Variants in SRCIN1 observed in about 807,000 individuals in gnomAD.
The protein encoded by SRCIN1 is SRC kinase signaling inhibitor 1.
A neutral mutation model predicts 116.2 loss-of-function variants in SRCIN1; 50 were observed. The observed-to-expected ratio is 0.43, with a 90% CI of 0.34 to 0.54. SRCIN1 has a LOEUF of 0.54. Ranked by LOEUF, SRCIN1 falls within the 20% of genes least tolerant of loss-of-function variation. SRCIN1 has a pLI of 0.02. For synonymous variants in SRCIN1, 736 were observed against 750.0 expected, an observed-to-expected ratio of 0.98 and a Z score of 0.30; for missense variants, 1,446 against 1,672.0, an observed-to-expected ratio of 0.86 and a Z score of 2.36.
chr17:38,584,750 C>G (rs1908024539), intron 1 of SRCIN1, among the ~76,000 whole-genome samples: 1 of 152,256 alleles, frequency 6.6e-6, no homozygotes, highest in Non-Finnish European at 1.5e-5. Context: ...CCCCAACTGG[C>G]ATCTTTACCC....
At chr17:38,583,548 G>GTTTTTTGTT (rs1907935604) in intron 1 of SRCIN1, among the ~76,000 whole-genome samples, 9 of 104,272 alleles carry the variant, frequency 8.6e-5, no homozygotes, top group African/African-American at 1.2e-4. Flanking sequence ...TTCATTTTCT[G>GTTTTTTGTT]TTTTTTTTTT....
chr17:38,557,291 A>C (rs1905872331), intron 11 of SRCIN1, among the ~76,000 whole-genome samples: 1 of 152,218 alleles, frequency 6.6e-6, no homozygotes, highest in Non-Finnish European at 1.5e-5. Flanking sequence ...TCCCGGAGTC[A>C]CTGGCCAGTA....
rs1318992505 is a variant in SRCIN1 at position 38,566,930 on chromosome 17, CTTCT to C, written c.345+1277_345+1280del. On this transcript the variant is annotated intron_variant, in intron 3 of 18. Transcript: ENST00000617146. ...CCTTCCTTCCTTCCTTCTTTCTTTC[CTTCT>C]TTCTCTCTCTCTTTCTCTCTTTCTT... Among the ~76,000 whole-genome samples, 266 of 140,526 alleles carry C rather than the reference CTTCT, an allele frequency of 1.9e-3. 1 individual carries two copies. The highest frequency in any genetic ancestry group is 6.9e-3 in the African/African-American group (258 of 37,626). The allele number at this position is 140,526 out of a possible 152,430, so 92.2% of individuals were successfully genotyped here. A position where few individuals can be genotyped will look rare whatever the true frequency, so the allele number is the denominator to read the frequency against.
intron 11 of SRCIN1, among the ~76,000 whole-genome samples, chr17:38,555,176 C>T (rs553837400): frequency 4.2e-4 from 64 of 152,194 alleles, no homozygotes; most frequent in Non-Finnish European, 6.2e-4. Flanking sequence ...TATACACAGA[C>T]AAACAGTGGC....
rs7501955 is a variant in SRCIN1, at chr17:38,548,173, C to T, written c.3270+384G>A. Among the ~76,000 whole-genome samples, 515 of 152,180 alleles carry T rather than the reference C, an allele frequency of 3.4e-3. 5 individuals are homozygous for T. The highest frequency in any genetic ancestry group is 0.012 in the African/African-American group (503 of 41,506). On this transcript the variant is annotated intron_variant, in intron 17 of 18. Transcript: ENST00000617146. The stretch of plus-strand genomic sequence containing the variant: ...GGCATGGGGTATGAGAGTCTCAGAG[C>T]TCCGTCCTCAGAATACTCAAGTATG...
In SRCIN1 at chr17:38,604,932, A is replaced by T. The variant is rs928023161; in HGVS notation, c.22+752T>A. Among the ~76,000 whole-genome samples, 9 of 151,354 alleles carry T rather than the reference A, an allele frequency of 5.9e-5. No homozygotes were observed. Among genetic ancestry groups the T allele is most frequent in the African/African-American group, 2.2e-4 (9 of 41,140 alleles). ...CTGGCCTCTGCAGGGGGAGGGGTTA[A>T]GATCAAATAGCCCCTCCCTAAACCC... is the stretch of plus-strand genomic sequence containing the variant. On this transcript the variant is annotated intron_variant, in intron 1 of 18. Transcript: ENST00000617146. The surrounding 1 kb of genome is among the most constrained non-coding windows in gnomAD (Gnocchi z 4.3).
Position 38,560,036 on chromosome 17 carries a change from A to T in SRCIN1, c.1837+18T>A. ...GGCTCGGAGAGAACAAGGATGGGGG[A>T]GGGGGAGGTTCACTCACGTGCTGAG... On this transcript the variant is annotated intron_variant, in intron 9 of 18. Coordinates refer to ENST00000617146, the MANE Select transcript of SRCIN1 (RefSeq NM_025248.3). 6.6e-7 allele frequency: 1 copy of T among 1,524,464 alleles called. No homozygotes were observed. The highest frequency in any genetic ancestry group is 8.9e-7 in the Non-Finnish European group (1 of 1,120,912). 94.4% of individuals were successfully genotyped at this position (1,524,464 alleles called of 1,614,324 possible).
At chr17:38,598,128 C>T (rs906569564) in intron 1 of SRCIN1, among the ~76,000 whole-genome samples, 2 of 152,094 alleles carry the variant, frequency 1.3e-5, no homozygotes, top group Admixed American at 6.5e-5. Flanking sequence ...TGAGAGTCTG[C>T]GGCAGTCCCC....
At position 38,572,442 on chromosome 17, in the gene SRCIN1, G is replaced by T. The variant is rs1907142702; in HGVS notation, c.325-4211C>A. 6.6e-6 allele frequency among the ~76,000 whole-genome samples: 1 copy of T among 152,206 alleles called. No homozygotes were observed. Among genetic ancestry groups the T allele is most frequent in the Non-Finnish European group, 1.5e-5 (1 of 68,030 alleles). ...TCATGACTTTCCGACGCTGGGGGAGGGGGCGCCAGCCTGATTTTGGAGTGG... is the reference window on the plus strand; with the variant it reads ...TCATGACTTTCCGACGCTGGGGGAGTGGGCGCCAGCCTGATTTTGGAGTGG... On this transcript the variant is annotated intron_variant, in intron 2 of 18. Transcript: ENST00000617146. The surrounding 1 kb of genome is among the most constrained non-coding windows in gnomAD (Gnocchi z 4.3).
rs758061710 is a variant in SRCIN1, at chr17:38,533,356, T to A, written c.3493A>T (p.Arg1165Ter). The change falls in exon 19 of 19, where the codon AGA (arginine) becomes TGA (stop). Residue 1165 changes from arginine to a stop codon, truncating the protein, a stop_gained. Transcript: ENST00000617146. LOFTEE classifies it high-confidence loss of function. The part of the protein sequence containing the change: ...SPVSEKPSAS[R>*]TSIPVLTSFG... Reference sequence around the variant, plus strand: ...GAAGTCAATACAGGGATAGAGGTTCTGGAAGCCGAGGGCTTTTCTGAGACT... The same window carrying A: ...GAAGTCAATACAGGGATAGAGGTTCAGGAAGCCGAGGGCTTTTCTGAGACT... 6.2e-7 allele frequency: 1 copy of A among 1,606,886 alleles called. No homozygotes were observed. The highest frequency in any genetic ancestry group is 2.2e-5 in the East Asian group (1 of 44,646).
intron 1 of SRCIN1, among the ~76,000 whole-genome samples, chr17:38,599,513 T>C (rs926715952): frequency 6.6e-6 from 1 of 152,062 alleles, no homozygotes; most frequent in Non-Finnish European, 1.5e-5. Context: ...AGTCTACGGG[T>C]GCTCACAGAC....
In SRCIN1 at chr17:38,552,019, G is replaced by A. The variant is rs777704918; in HGVS notation, c.2594C>T (p.Pro865Leu). Residue 865 changes from proline to leucine, a missense_variant, in exon 14 of 19, where the codon CCC becomes CTC. By Grantham distance (98) the Pro-to-Leu change is moderately conservative (BLOSUM62 -3). Around this residue, in one of 5 missense-constraint regions of SRCIN1, gnomAD observed 531 missense variants for 633.9 expected, o/e 0.84. Coordinates refer to ENST00000617146, the MANE Select transcript of SRCIN1 (RefSeq NM_025248.3). The surrounding 1 kb of genome is among the most constrained non-coding windows in gnomAD (Gnocchi z 5.3). ...CTCATGCAGGTTCAGCGGGGGGCTG[G>A]GGGGTGGCATTTCGAAGTCCACGCT... ...NKSVDFEMPPPSPPLNLHELS... is the reference protein window; with the variant it reads ...NKSVDFEMPPLSPPLNLHELS... 1.9e-6 allele frequency: 3 copies of A among 1,613,752 alleles called. No individual in the cohort carries two copies. Among genetic ancestry groups the A allele is most frequent in the East Asian group, 2.2e-5 (1 of 44,900 alleles).
At chr17:38,594,780 C>T (rs1262173349) in intron 1 of SRCIN1, among the ~76,000 whole-genome samples, 2 of 152,142 alleles carry the variant, frequency 1.3e-5, no homozygotes, top group African/African-American at 4.8e-5. Flanking sequence ...GAACCCAGGG[C>T]AGGCTGACTC....
At position 38,562,072 on chromosome 17, in the gene SRCIN1, C is replaced by T; in HGVS notation, c.1091G>A (p.Ser364Asn). ...GAPAAQGVSP[S>N]PSAILERRDV... The stretch of plus-strand genomic sequence containing the variant: ...GCGCCGCTCCAGGATGGCGCTGGGG[C>T]TGGGGCTGACGCCCTGGGCGGCCGG... The change falls in exon 7 of 19, where the codon AGC becomes AAC. Residue 364 changes from serine (S) to asparagine (N), a missense_variant. Physicochemically the swap from Ser to Asn is conservative, Grantham distance 46. This residue lies in a region of SRCIN1 where 239 missense variants were observed against 317.7 expected (regional missense o/e 0.75). Coordinates refer to ENST00000617146, the MANE Select transcript of SRCIN1 (RefSeq NM_025248.3). The surrounding 1 kb of genome is among the most constrained non-coding windows in gnomAD (Gnocchi z 4.2). The T allele has an allele frequency of 2.0e-6, 3 of 1,469,510 alleles. No homozygotes were observed. Among genetic ancestry groups the T allele is most frequent in the Non-Finnish European group, 2.7e-6 (3 of 1,117,532 alleles). The allele number at this position is 1,469,510 out of a possible 1,614,324, so 91.0% of individuals were successfully genotyped here. A position where few individuals can be genotyped will look rare whatever the true frequency, so the allele number is the denominator to read the frequency against.
intron 15 of SRCIN1, among the ~76,000 whole-genome samples, chr17:38,550,061 T>C (rs928414795): frequency 6.6e-6 from 1 of 152,270 alleles, no homozygotes; most frequent in Non-Finnish European, 1.5e-5. Flanking sequence ...ACCTCTGCTA[T>C]TACATTTAGC....
intron 1 of SRCIN1, among the ~76,000 whole-genome samples, chr17:38,591,474 G>C (rs1908439065): frequency 6.6e-6 from 1 of 152,182 alleles, no homozygotes; most frequent in Admixed American, 6.5e-5. Context: ...CTGGCCTTCA[G>C]AACTGCTCTA....
rs1204678033 is a variant in SRCIN1 at position 38,544,433 on chromosome 17, G to A, written c.3271-464C>T. 1 of 154,902 alleles carries A rather than the reference G, an allele frequency of 6.5e-6. No individual in the cohort carries two copies. The highest frequency in any genetic ancestry group is 1.4e-5 in the Non-Finnish European group (1 of 70,072). 9.6% of individuals were successfully genotyped at this position (154,902 alleles called of 1,614,324 possible). A position where few individuals can be genotyped will look rare whatever the true frequency, so the allele number is the denominator to read the frequency against. On this transcript the variant is annotated intron_variant, in intron 17 of 18. Coordinates refer to ENST00000617146, the MANE Select transcript of SRCIN1 (RefSeq NM_025248.3). This position sits in a 1 kb window ranked among gnomAD's most constrained non-coding sequence, Gnocchi z 4.5. ...CTCCTAAGGGGAGGATGCAGGTGAG[G>A]TCTCCCTAGGGATGGGCAAGCTTGG...
At chr17:38,591,200 T>G (rs1312746446) in intron 1 of SRCIN1, among the ~76,000 whole-genome samples, 2 of 152,314 alleles carry the variant, frequency 1.3e-5, no homozygotes, top group South Asian at 4.1e-4. Context: ...TCTTAGATAC[T>G]TCCAGGAAAG....
intron 18 of SRCIN1, 26 bp downstream of exon 18, chr17:38,543,797 G>C (rs368083574): frequency 5.3e-5 from 85 of 1,598,998 alleles, no homozygotes; most frequent in Non-Finnish European, 6.7e-5. Context: ...GTGGGCCTGG[G>C]TGGCCCCCAC....
Sources: gnomAD v4.1 joint callset for allele counts (sites outside exome capture counted in the v4.1 genomes callset) on GRCh38, gnomAD v4.1.1 for gene constraint, gnomAD v4.1.1 regional missense constraint, Gnocchi (gnomAD v3.1) non-coding constraint, MANE v1.5 for transcripts, NCBI Gene and HGNC (gene_info 2026-07-23, HGNC 2026-07-21) for gene names.